Variants in DGKB observed in about 807,000 individuals in gnomAD.
The protein encoded by DGKB is 90 kDa diacylglycerol kinase.
Under a neutral mutation model 114.3 loss-of-function variants are expected in DGKB, and 67 were observed. That is an observed-to-expected ratio of 0.59 (90% CI 0.48 to 0.72). DGKB has a LOEUF of 0.72. DGKB is among the 30% of genes least tolerant of loss of function. The pLI, the probability that DGKB is intolerant of heterozygous loss-of-function variation, is 0.00. For missense variants in DGKB, 907 were observed against 975.2 expected (o/e 0.93, Z 0.93); for synonymous variants, 398 against 323.1 (o/e 1.23, Z -2.49).
At chr7:14,729,153 C>T (rs1235481384) in intron 5 of DGKB, among the ~76,000 whole-genome samples, 1 of 116,574 alleles carries the variant, frequency 8.6e-6, no homozygotes, top group African/African-American at 3.9e-5. Context: ...GATGGAGTCT[C>T]ACTCTGTTGC....
intron 23 of DGKB, among the ~76,000 whole-genome samples, chr7:14,282,499 C>T (rs1407351484): frequency 2.0e-5 from 3 of 151,954 alleles, no homozygotes; most frequent in African/African-American, 4.8e-5. Context: ...GGAATCCTCC[C>T]TCACTCATTT....
chr7:14,522,807 C>G (rs533109830), intron 20 of DGKB, among the ~76,000 whole-genome samples: 1 of 152,114 alleles, frequency 6.6e-6, no homozygotes, highest in African/African-American at 2.4e-5. Flanking sequence ...CTTTGTCATG[C>G]CTTCCATTGA....
chr7:14,636,265 T>C (rs2128863590), intron 13 of DGKB, among the ~76,000 whole-genome samples: 1 of 151,880 alleles, frequency 6.6e-6, no homozygotes, highest in East Asian at 1.9e-4. Context: ...ATAGACTCTT[T>C]TCCCCCGACC....
At chr7:14,193,641 G>C (rs1784616397) in intron 23 of DGKB, among the ~76,000 whole-genome samples, 1 of 152,092 alleles carries the variant, frequency 6.6e-6, no homozygotes. Context: ...GGTGGGCAAG[G>C]ACTTTTTAAA....
At chr7:14,754,853 T>G (rs1409662859) in intron 3 of DGKB, among the ~76,000 whole-genome samples, 2 of 152,136 alleles carry the variant, frequency 1.3e-5, no homozygotes, top group Non-Finnish European at 1.5e-5. Context: ...AAAAGCAATG[T>G]CTTCCCATGC....
At chr7:14,937,375 A>T (rs1236287953) in intron 1 of DGKB, among the ~76,000 whole-genome samples, 1 of 152,146 alleles carries the variant, frequency 6.6e-6, no homozygotes, top group Admixed American at 6.6e-5. Flanking sequence ...GGTACATTGC[A>T]TATTTTCAGC....
chr7:14,148,608 G>A lies in DGKB; in HGVS notation c.*523C>T, dbSNP rs1781739641. 6.4e-6 allele frequency: 1 copy of A among 156,404 alleles called. No homozygotes were observed. The highest frequency in any genetic ancestry group is 6.3e-5 in the Admixed American group (1 of 15,928). 9.7% of individuals were successfully genotyped at this position (156,404 alleles called of 1,614,324 possible). ...AGAAAAACTATGTATATATAGCAAG[G>A]TATTGTAGTCAACTATTTAATAAAA... On this transcript the variant is annotated 3_prime_UTR_variant, in exon 26 of 26. Coordinates refer to ENST00000402815, the MANE Select transcript of DGKB (RefSeq NM_001350709.2).
intron 6 of DGKB, among the ~76,000 whole-genome samples, chr7:14,710,394 T>C (rs1013957517): frequency 1.3e-5 from 2 of 152,134 alleles, no homozygotes; most frequent in African/African-American, 4.8e-5. Context: ...ACTTATTAAT[T>C]CAAGTACTTG....
At chr7:14,500,555 G>T (rs1351271821) in intron 20 of DGKB, among the ~76,000 whole-genome samples, 1 of 150,294 alleles carries the variant, frequency 6.7e-6, no homozygotes, top group Admixed American at 6.6e-5. Flanking sequence ...CCATATATTT[G>T]GTAAAAATCT....
At chr7:14,680,969 G>A (rs1820724249) in intron 12 of DGKB, among the ~76,000 whole-genome samples, 2 of 151,710 alleles carry the variant, frequency 1.3e-5, no homozygotes, top group African/African-American at 4.8e-5. Context: ...ATACAAAGAA[G>A]AAATTATTTC....
At chr7:14,218,896 T>C (rs1040126653) in intron 23 of DGKB, among the ~76,000 whole-genome samples, 5 of 151,846 alleles carry the variant, frequency 3.3e-5, no homozygotes, top group African/African-American at 1.2e-4. Context: ...TTTTAGATAT[T>C]GCTGCTGTAT....
intron 21 of DGKB, among the ~76,000 whole-genome samples, chr7:14,427,220 C>T (rs909430762): frequency 3.9e-5 from 6 of 152,050 alleles, no homozygotes; most frequent in African/African-American, 9.7e-5. Flanking sequence ...CAAACCTGTA[C>T]GTCCTGAACA....
chr7:14,566,575 C>T (rs1337590377), intron 20 of DGKB, among the ~76,000 whole-genome samples: 1 of 152,102 alleles, frequency 6.6e-6, no homozygotes, highest in Non-Finnish European at 1.5e-5. Context: ...ATCGGGTTAC[C>T]TCATTCCCTA....
chr7:14,471,927 C>G (rs1781475217), intron 21 of DGKB, among the ~76,000 whole-genome samples: 1 of 152,122 alleles, frequency 6.6e-6, no homozygotes, highest in African/African-American at 2.4e-5. Flanking sequence ...AAATAAATCA[C>G]ATACTTCTGA....
intron 21 of DGKB, among the ~76,000 whole-genome samples, chr7:14,393,168 T>C (rs984841677): frequency 7.9e-5 from 12 of 151,720 alleles, no homozygotes; most frequent in Non-Finnish European, 1.5e-4. Context: ...TTTTTGTATT[T>C]TTAGTAGAGA....
At chr7:14,561,623 T>A (rs1796672464) in intron 20 of DGKB, among the ~76,000 whole-genome samples, 1 of 152,148 alleles carries the variant, frequency 6.6e-6, no homozygotes, top group Non-Finnish European at 1.5e-5. Context: ...GATGAGAAAC[T>A]TGGGAACTGG....
chr7:14,523,332 A>G (rs1367780), intron 20 of DGKB, among the ~76,000 whole-genome samples: 1 of 152,066 alleles, frequency 6.6e-6, no homozygotes, highest in African/African-American at 2.4e-5. Flanking sequence ...TGTTCATGAA[A>G]GCTGTTTCAA....
intron 21 of DGKB, among the ~76,000 whole-genome samples, chr7:14,413,901 T>C (rs184924950): frequency 7.0e-4 from 107 of 152,296 alleles, no homozygotes; most frequent in African/African-American, 2.4e-3. Context: ...CAAATTAGTA[T>C]AGAATTTGCT....
At chr7:14,645,043 C>T (rs1401328106) in intron 13 of DGKB, among the ~76,000 whole-genome samples, 1 of 152,128 alleles carries the variant, frequency 6.6e-6, no homozygotes, top group Non-Finnish European at 1.5e-5. Flanking sequence ...ATCTCCATCT[C>T]ACCCACTCAG....
Sources: allele counts gnomAD v4.1 joint callset (sites outside exome capture counted in the v4.1 genomes callset), GRCh38; gene constraint gnomAD v4.1.1; transcripts MANE v1.5; gene names NCBI Gene and HGNC (gene_info 2026-07-23, HGNC 2026-07-21).